The following FHIT variants were observed in gnomAD, a reference collection of about 807,000 sequenced individuals.
FHIT encodes fragile histidine triad diadenosine triphosphatase, also known as bis(5'-adenosyl)-triphosphatase.
In FHIT, 19 loss-of-function variants were observed where a neutral mutation model predicts 17.9. The observed-to-expected ratio is 1.06, with a 90% CI of 0.74 to 1.56. FHIT has a LOEUF of 1.56. Among genes scored for constraint, FHIT ranks in the 40% most tolerant of loss-of-function variants. FHIT has a pLI of 0.00. For synonymous variants in FHIT, 81 were observed against 69.7 expected (o/e 1.16, Z -0.81); for missense variants, 248 against 189.2 (o/e 1.31, Z -1.82).
At chr3:60,557,652 G>C (rs1481041658) in intron 4 of FHIT, among the ~76,000 whole-genome samples, 2 of 151,824 alleles carry the variant, frequency 1.3e-5, no homozygotes, top group Non-Finnish European at 2.9e-5. Flanking sequence ...GAGAAACAAA[G>C]TTGGGAGCAA....
intron 8 of FHIT, among the ~76,000 whole-genome samples, chr3:59,756,411 G>C (rs1275660820): frequency 6.6e-6 from 1 of 152,080 alleles, no homozygotes; most frequent in Non-Finnish European, 1.5e-5. Flanking sequence ...TAAAAGCTAA[G>C]GTCCTATGGT....
At chr3:60,805,983 A>G (rs1301820920) in intron 4 of FHIT, among the ~76,000 whole-genome samples, 1 of 152,214 alleles carries the variant, frequency 6.6e-6, no homozygotes, top group East Asian at 1.9e-4. Context: ...TGACATATAC[A>G]TATAGAAGCA....
At chr3:60,336,701 G>C (rs1187792844) in intron 5 of FHIT, among the ~76,000 whole-genome samples, 3 of 152,146 alleles carry the variant, frequency 2.0e-5, no homozygotes, top group African/African-American at 4.8e-5. Context: ...ATAGTAGACA[G>C]AACAGTGGAG....
In FHIT at chr3:60,991,798, GTTA is replaced by G. The variant is rs543138477; in HGVS notation, c.-111+50246_-111+50248del. Reference sequence around the variant, plus strand: ...GATACATATAATAATAGCTGTTGTTGTTATTATTATTATTATTATTAAAATTAG... The same window carrying G: ...GATACATATAATAATAGCTGTTGTTGTTATTATTATTATTATTAAAATTAG... On this transcript the variant is annotated intron_variant, in intron 3 of 9. Coordinates refer to ENST00000492590, the MANE Select transcript of FHIT (RefSeq NM_002012.4). Among the ~76,000 whole-genome samples the G allele has an allele frequency of 2.3e-3, 202 of 87,838 alleles. 5 individuals carry two copies. In the South Asian group the frequency reaches 0.071, roughly 31 times the overall value. 57.6% of individuals were successfully genotyped at this position (87,838 alleles called of 152,430 possible).
chr3:60,818,550 G>A (rs1437332269), intron 4 of FHIT, among the ~76,000 whole-genome samples: 1 of 152,044 alleles, frequency 6.6e-6, no homozygotes, highest in Non-Finnish European at 1.5e-5. Flanking sequence ...ATCTCACTTG[G>A]AATTTTATCA....
intron 8 of FHIT, among the ~76,000 whole-genome samples, chr3:59,776,749 G>C (rs1184063594): frequency 6.6e-6 from 1 of 152,174 alleles, no homozygotes; most frequent in East Asian, 1.9e-4. Context: ...TGTGTGCTCA[G>C]CGCTGATCCA....
chr3:60,435,235 C>T (rs1576647950), intron 5 of FHIT, among the ~76,000 whole-genome samples: 1 of 152,136 alleles, frequency 6.6e-6, no homozygotes, highest in African/African-American at 2.4e-5. Flanking sequence ...CAGTCCTTTA[C>T]AGACATTTGT....
chr3:59,757,006 T>C (rs1170923534), intron 8 of FHIT, among the ~76,000 whole-genome samples: 3 of 152,198 alleles, frequency 2.0e-5, no homozygotes, highest in Non-Finnish European at 4.4e-5. Flanking sequence ...TCCAACTGAC[T>C]GTGTCTGGGA....
chr3:60,975,447 C>A lies in FHIT; in HGVS notation c.-111+66600G>T, dbSNP rs958416642. ...TGAACTTGAAGTATGGCTTTATTTC[C>A]CTCATTCACAACTAATCACTGTCTC... On this transcript the variant is annotated intron_variant, in intron 3 of 9. Transcript: ENST00000492590. 1.1e-4 allele frequency among the ~76,000 whole-genome samples: 17 copies of A among 152,186 alleles called. 1 individual carries two copies. Among genetic ancestry groups the A allele is most frequent in the Admixed American group, 1.1e-3 (17 of 15,292 alleles).
chr3:60,195,561 T>TATTTATATATATA (rs61215575), intron 5 of FHIT, among the ~76,000 whole-genome samples: 4,516 of 21,008 alleles, frequency 0.21, 106 homozygotes, highest in Middle Eastern at 0.35. Flanking sequence ...ATATATATAT[T>TATTTATATATATA]TATATTTATA....
intron 7 of FHIT, among the ~76,000 whole-genome samples, chr3:60,003,554 GGCCA>G (rs1350379464): frequency 3.9e-5 from 6 of 152,046 alleles, no homozygotes; most frequent in African/African-American, 1.4e-4. Context: ...AGACCAGCCT[GGCCA>G]ACATGATGAA....
chr3:60,575,908 C>T (rs2037548897), intron 4 of FHIT, among the ~76,000 whole-genome samples: 1 of 152,140 alleles, frequency 6.6e-6, no homozygotes, highest in African/African-American at 2.4e-5. Flanking sequence ...AACAGCATTA[C>T]TCAAAGCCAC....
intron 5 of FHIT, among the ~76,000 whole-genome samples, chr3:60,347,677 G>GA (rs68175233): frequency 3.3e-5 from 3 of 90,232 alleles, no homozygotes; most frequent in African/African-American, 1.9e-4. Flanking sequence ...CACTGGTTTG[G>GA]GGGGGGGGGG....
intron 7 of FHIT, among the ~76,000 whole-genome samples, chr3:59,967,014 A>T (rs2107367108): frequency 6.6e-6 from 1 of 152,186 alleles, no homozygotes; most frequent in East Asian, 1.9e-4. Flanking sequence ...CTATTTTTAA[A>T]ACCTTTTATT....
At chr3:59,947,067 G>A (rs1480896644) in intron 7 of FHIT, among the ~76,000 whole-genome samples, 4 of 152,170 alleles carry the variant, frequency 2.6e-5, no homozygotes, top group African/African-American at 4.8e-5. Flanking sequence ...ACATTTTTCA[G>A]AATAGTTTCA....
intron 4 of FHIT, among the ~76,000 whole-genome samples, chr3:60,597,520 T>C (rs538959481): frequency 1.0e-3 from 158 of 152,168 alleles, no homozygotes; most frequent in Middle Eastern, 0.01. Flanking sequence ...AAAAGACTCA[T>C]GTAAGAAAAT....
chr3:59,853,116 C>T (rs566519285), intron 8 of FHIT, among the ~76,000 whole-genome samples: 6 of 152,270 alleles, frequency 3.9e-5, no homozygotes, highest in Non-Finnish European at 2.9e-5. Flanking sequence ...TCCAAAGAGG[C>T]TGTAATATGT....
At chr3:60,558,098 C>CCTGCCGGG (rs2036805040) in intron 4 of FHIT, among the ~76,000 whole-genome samples, 1 of 152,080 alleles carries the variant, frequency 6.6e-6, no homozygotes, top group Non-Finnish European at 1.5e-5. Flanking sequence ...GTGTTGGCAT[C>CCTGCCGGG]ACTTGACTGC....
At chr3:60,715,236 A>G (rs535604821) in intron 4 of FHIT, among the ~76,000 whole-genome samples, 39 of 152,332 alleles carry the variant, frequency 2.6e-4, no homozygotes, top group African/African-American at 8.7e-4. Context: ...AGCCATAGGT[A>G]GAAAGCTGAA....
Sources: allele counts gnomAD v4.1 joint callset (sites outside exome capture counted in the v4.1 genomes callset), GRCh38; gene constraint gnomAD v4.1.1; transcripts MANE v1.5; gene names NCBI Gene and HGNC (gene_info 2026-07-23, HGNC 2026-07-21).